The following EYA2 variants were observed in gnomAD, a reference collection of about 807,000 sequenced individuals.
EYA2 encodes the protein EYA transcriptional coactivator and phosphatase 2.
A neutral mutation model predicts 69.2 loss-of-function variants in EYA2; 31 were observed. The observed-to-expected ratio is 0.45, with a 90% CI of 0.34 to 0.60. EYA2 has a LOEUF of 0.60. Ranked by LOEUF, EYA2 falls within the 20% of genes least tolerant of loss-of-function variation. EYA2 has a pLI of 0.02. For missense variants in EYA2, 622 were observed against 701.2 expected (o/e 0.89, Z 1.28); for synonymous variants, 257 against 279.4 (o/e 0.92, Z 0.80).
intron 5 of EYA2, among the ~76,000 whole-genome samples, chr20:47,036,847 A>G (rs565931033): frequency 3.3e-5 from 5 of 152,224 alleles, no homozygotes; most frequent in Non-Finnish European, 7.3e-5. Flanking sequence ...TCTGCCAGTT[A>G]TCAACTATGT....
intron 1 of EYA2, among the ~76,000 whole-genome samples, chr20:46,918,623 G>A (rs990037944): frequency 7.9e-5 from 12 of 152,072 alleles, no homozygotes; most frequent in African/African-American, 1.4e-4. Context: ...CACCACATCC[G>A]CAGTGACTTC....
intron 7 of EYA2, among the ~76,000 whole-genome samples, chr20:47,084,639 G>T (rs2031834660): frequency 6.6e-6 from 1 of 152,172 alleles, no homozygotes; most frequent in African/African-American, 2.4e-5. Flanking sequence ...ACATGATTAA[G>T]ATGCCAAATG....
intron 7 of EYA2, among the ~76,000 whole-genome samples, chr20:47,083,110 C>A (rs1210874322): frequency 6.6e-6 from 1 of 151,906 alleles, no homozygotes; most frequent in Non-Finnish European, 1.5e-5. Context: ...AGAATTGCTT[C>A]AGCCAGGGGT....
chr20:46,966,667 G>C (rs564067340), intron 1 of EYA2, among the ~76,000 whole-genome samples: 5 of 152,116 alleles, frequency 3.3e-5, no homozygotes, highest in African/African-American at 1.2e-4. Context: ...AAAATTAGCC[G>C]GGCATGGTGG....
At chr20:47,130,893 C>A (rs967515949) in intron 9 of EYA2, among the ~76,000 whole-genome samples, 4 of 152,132 alleles carry the variant, frequency 2.6e-5, no homozygotes, top group African/African-American at 9.7e-5. Context: ...AGTTCAAGAC[C>A]AGCCTGGCCA....
chr20:46,988,313 CT>C (rs199716349), intron 1 of EYA2, among the ~76,000 whole-genome samples: 7 of 151,490 alleles, frequency 4.6e-5, no homozygotes, highest in Admixed American at 4.6e-4. Context: ...TAAAATAGTG[CT>C]TTTTTTTACA....
At position 47,062,432 on chromosome 20, in the gene EYA2, G is replaced by A. The variant is rs189382035; in HGVS notation, c.416-9753G>A. Among the ~76,000 whole-genome samples, 40 of 152,304 alleles carry A rather than the reference G, an allele frequency of 2.6e-4. No individual in the cohort carries two copies. The East Asian group carries it at 7.1e-3, about 27-fold the overall frequency. Reference sequence around the variant, plus strand: ...GGTCACCCCGGTATCGCAGGCAGGCGCTGGCTCTTTTATGCAGTTATCTCC... The same window carrying A: ...GGTCACCCCGGTATCGCAGGCAGGCACTGGCTCTTTTATGCAGTTATCTCC... On this transcript the variant is annotated intron_variant, in intron 5 of 15. Transcript: ENST00000327619.
At chr20:47,060,412 G>A (rs1373142045) in intron 5 of EYA2, among the ~76,000 whole-genome samples, 4 of 152,200 alleles carry the variant, frequency 2.6e-5, no homozygotes, top group Non-Finnish European at 4.4e-5. Flanking sequence ...GGGAGGAGGT[G>A]TGGGGAGTGA....
At chr20:47,033,340 A>G (rs975464583) in intron 5 of EYA2, among the ~76,000 whole-genome samples, 2 of 152,224 alleles carry the variant, frequency 1.3e-5, no homozygotes, top group Non-Finnish European at 2.9e-5. Flanking sequence ...CAGGCTATAC[A>G]GTCTCTGTTG....
chr20:47,112,900 C>A (rs1268034679), intron 9 of EYA2, among the ~76,000 whole-genome samples: 1 of 47,340 alleles, frequency 2.1e-5, no homozygotes, highest in African/African-American at 5.5e-5. Flanking sequence ...GAGACGGAGT[C>A]TTATTCTGTC....
At chr20:47,146,490 GC>G (rs1324455663) in intron 10 of EYA2, among the ~76,000 whole-genome samples, 1 of 152,234 alleles carries the variant, frequency 6.6e-6, no homozygotes, top group Non-Finnish European at 1.5e-5. Flanking sequence ...ACTTAGGGAA[GC>G]CAGTTTGTTT....
At chr20:47,168,751 G>A (rs1351243348) in intron 10 of EYA2, among the ~76,000 whole-genome samples, 1 of 152,170 alleles carries the variant, frequency 6.6e-6, no homozygotes, top group Non-Finnish European at 1.5e-5. Context: ...GCGAGGCAGA[G>A]GTGTCCACCA....
intron 5 of EYA2, among the ~76,000 whole-genome samples, chr20:47,053,305 C>T (rs1487804812): frequency 1.3e-5 from 2 of 152,240 alleles, no homozygotes; most frequent in South Asian, 2.1e-4. Flanking sequence ...TTATGAAAAG[C>T]GAATGCCACG....
chr20:46,937,013 G>A (rs531089924), intron 1 of EYA2, among the ~76,000 whole-genome samples: 1 of 152,280 alleles, frequency 6.6e-6, no homozygotes, highest in African/African-American at 2.4e-5. Flanking sequence ...GCTAAGTGCC[G>A]GCCAGAATGG....
At chr20:47,179,367 T>G in intron 12 of EYA2, among the ~76,000 whole-genome samples, 1 of 122,120 alleles carries the variant, frequency 8.2e-6, no homozygotes, top group African/African-American at 3.2e-5. Context: ...GATAGATGGA[T>G]GGTTGGATAT....
intron 1 of EYA2, among the ~76,000 whole-genome samples, chr20:46,903,085 C>G (rs1984192121): frequency 6.6e-6 from 1 of 152,202 alleles, no homozygotes; most frequent in Non-Finnish European, 1.5e-5. Context: ...ATTCCTTCAT[C>G]CATTTACTTA....
intron 10 of EYA2, among the ~76,000 whole-genome samples, chr20:47,166,506 A>T (rs2034198548): frequency 6.9e-6 from 1 of 144,516 alleles, no homozygotes; most frequent in Admixed American, 7.6e-5. Flanking sequence ...CAATTTCTCT[A>T]CTCCCATCAA....
intron 10 of EYA2, among the ~76,000 whole-genome samples, chr20:47,146,681 A>T (rs2033707738): frequency 6.6e-6 from 1 of 152,250 alleles, no homozygotes; most frequent in African/African-American, 2.4e-5. Context: ...GCAGCTGCCC[A>T]GGGAAGCTGT....
At chr20:47,155,150 C>T (rs2033898385) in intron 10 of EYA2, among the ~76,000 whole-genome samples, 1 of 151,996 alleles carries the variant, frequency 6.6e-6, no homozygotes, top group Admixed American at 6.5e-5. Flanking sequence ...GCCGCCGCAC[C>T]TGGCCAAGAT....
Sources: gnomAD v4.1 joint callset for allele counts (sites outside exome capture counted in the v4.1 genomes callset) on GRCh38, gnomAD v4.1.1 for gene constraint, MANE v1.5 for transcripts, NCBI Gene and HGNC (gene_info 2026-07-23, HGNC 2026-07-21) for gene names.